Variants in PEBP1 observed in about 807,000 individuals in gnomAD.
The protein encoded by PEBP1 is phosphatidylethanolamine-binding protein 1.
In PEBP1, 17 loss-of-function variants were observed where a neutral mutation model predicts 22.7. The observed-to-expected ratio is 0.75, with a 90% CI of 0.51 to 1.12. The LOEUF (loss-of-function observed/expected upper bound fraction) is 1.12, where lower values mean the gene tolerates loss of function less well. Ranked by LOEUF, PEBP1 falls within the 50% of genes most tolerant of loss-of-function variation. The pLI is 0.00. For synonymous variants in PEBP1, 106 were observed against 104.3 expected, an observed-to-expected ratio of 1.02 and a Z score of -0.10; for missense variants, 205 against 243.5, an observed-to-expected ratio of 0.84 and a Z score of 1.05.
intron 3 of PEBP1, among the ~76,000 whole-genome samples, chr12:118,139,784 A>G (rs2034099327): frequency 6.6e-6 from 1 of 151,610 alleles, no homozygotes; most frequent in African/African-American, 2.4e-5. Context: ...CTGCACCCCT[A>G]GCCCTTTAGC....
At chr12:118,138,801 T>A (rs983708052) in intron 2 of PEBP1, among the ~76,000 whole-genome samples, 2 of 152,138 alleles carry the variant, frequency 1.3e-5, no homozygotes, top group Admixed American at 6.6e-5. Flanking sequence ...CAGTTAACGT[T>A]TTATTGGAGC....
Position 118,138,043 on chromosome 12 carries a change from A to T in PEBP1, c.140A>T (p.Lys47Met). 4 of 1,611,800 alleles carry T rather than the reference A, an allele frequency of 2.5e-6. No individual in the cohort carries two copies. The highest frequency in any genetic ancestry group is 3.4e-6 in the Non-Finnish European group (4 of 1,178,382). Residue 47 changes from lysine (K) to methionine (M), a missense_variant, in exon 2 of 4, where the codon AAG becomes ATG. Lys to Met is a moderately conservative substitution (Grantham distance 95). Transcript: ENST00000261313. ...LGKVLTPTQV[K>M]NRPTSISWDG... is the part of the protein sequence containing the mutation. ...CAAACTGGTTCCTTCATACAGGTTA[A>T]GAATAGACCCACCAGCATTTCGTGG...
At chr12:118,144,156 C>G (rs955212491) in intron 3 of PEBP1, among the ~76,000 whole-genome samples, 1 of 152,024 alleles carries the variant, frequency 6.6e-6, no homozygotes, top group Non-Finnish European at 1.5e-5. Context: ...TTGGTTGCTC[C>G]TACCTGACAG....
chr12:118,145,252 G>GATGTCA lies in PEBP1; in HGVS notation c.*450_*455dup, dbSNP rs2034147539. 2.9e-6 allele frequency: 1 copy of GATGTCA among 339,396 alleles called. No individual in the cohort carries two copies. The highest frequency in any genetic ancestry group is 2.2e-5 in the African/African-American group (1 of 46,108). The allele number at this position is 339,396 out of a possible 1,614,324, so 21.0% of individuals were successfully genotyped here. A position where few individuals can be genotyped will look rare whatever the true frequency, so the allele number is the denominator to read the frequency against. ...ATGGTACACAATGTGATTTTATGGT[G>GATGTCA]ATGTCACTCACCTAGACAACCAGAG... On this transcript the variant is annotated 3_prime_UTR_variant, in exon 4 of 4. Transcript: ENST00000261313.
At chr12:118,142,669 G>T (rs1350148261) in intron 3 of PEBP1, among the ~76,000 whole-genome samples, 7 of 151,752 alleles carry the variant, frequency 4.6e-5, no homozygotes, top group Non-Finnish European at 1.0e-4. Context: ...TAGAGACGGG[G>T]TTTCACCATC....
Position 118,137,004 on chromosome 12 carries a change from C to A in PEBP1, c.135+660C>A, listed in dbSNP as rs150833504. On this transcript the variant is annotated intron_variant, in intron 1 of 3. Transcript: ENST00000261313. ...CGGGCAACAGCGTAAAATAAACTGC[C>A]CCGACCTTACATTGTTTTGGATGTT... Among the ~76,000 whole-genome samples, 182 of 152,244 alleles carry A rather than the reference C, an allele frequency of 1.2e-3. 1 individual carries two copies. The highest frequency in any genetic ancestry group is 2.4e-3 in the Non-Finnish European group (160 of 68,004).
At position 118,136,813 on chromosome 12, in the gene PEBP1, C is replaced by G. The variant is rs1012901821; in HGVS notation, c.135+469C>G. ...GACGCATTATGTAACTGGCGATGAG[C>G]GCGCCGGCCGATTTCTCCTTTGTTA... On this transcript the variant is annotated intron_variant, in intron 1 of 3. Coordinates refer to ENST00000261313, the MANE Select transcript of PEBP1 (RefSeq NM_002567.4). This position sits in a 1 kb window ranked among gnomAD's most constrained non-coding sequence, Gnocchi z 5.6. Among the ~76,000 whole-genome samples, 2 of 152,156 alleles carry G rather than the reference C, an allele frequency of 1.3e-5. No individual in the cohort carries two copies. Among genetic ancestry groups the G allele is most frequent in the Admixed American group, 1.3e-4 (2 of 15,276 alleles).
Position 118,136,358 on chromosome 12 carries a change from C to T in PEBP1, c.135+14C>T, listed in dbSNP as rs984917904. 6.5e-7 allele frequency: 1 copy of T among 1,536,526 alleles called. No homozygotes were observed. Among genetic ancestry groups the T allele is most frequent in the Middle Eastern group, 2.3e-4 (1 of 4,420 alleles). On this transcript the variant is annotated intron_variant, in intron 1 of 3. Coordinates refer to ENST00000261313, the MANE Select transcript of PEBP1 (RefSeq NM_002567.4). This position sits in a 1 kb window ranked among gnomAD's most constrained non-coding sequence, Gnocchi z 5.6. ...ACGCCCACCCAGGTACACCGGGCGG[C>T]GGGCGTGCAGCGAGCGGCACGGCGC... is the stretch of plus-strand genomic sequence containing the variant.
chr12:118,139,198 A>G (rs2034092947), intron 2 of PEBP1: 2 of 356,538 alleles, frequency 5.6e-6, no homozygotes, highest in South Asian at 2.3e-5. Context: ...CTGTAATCCC[A>G]GCTACTTGGG....
intron 3 of PEBP1, among the ~76,000 whole-genome samples, chr12:118,140,740 G>A (rs1363124441): frequency 1.5e-4 from 23 of 152,054 alleles, no homozygotes; most frequent in Admixed American, 1.4e-3. Flanking sequence ...GGGTTTCACC[G>A]TGTTAGCCAG....
Position 118,145,314 on chromosome 12 carries a change from C to T in PEBP1, c.*511C>T. On this transcript the variant is annotated 3_prime_UTR_variant, in exon 4 of 4. Coordinates refer to ENST00000261313, the MANE Select transcript of PEBP1 (RefSeq NM_002567.4). ...GGCTAACCTCCAACACAGTGCATCT[C>T]AGATGCCTCAGTAGGCATCAGTATG... 1 of 296,484 alleles carries T rather than the reference C, an allele frequency of 3.4e-6. No homozygotes were observed. The highest frequency in any genetic ancestry group is 3.1e-5 in the South Asian group (1 of 32,378). The allele number at this position is 296,484 out of a possible 1,614,324, so 18.4% of individuals were successfully genotyped here.
At chr12:118,140,633 G>T (rs986244693) in intron 3 of PEBP1, among the ~76,000 whole-genome samples, 2 of 151,534 alleles carry the variant, frequency 1.3e-5, no homozygotes. Context: ...CCACCTCCCC[G>T]GTTCATGCCA....
chr12:118,137,894 C>T lies in PEBP1; in HGVS notation c.136-145C>T, dbSNP rs527649071. ...GTAGAGGCAGGTTTCACCGTGTTGG[C>T]CAGGCTGGTCTCAAACCCCTGACCT... On this transcript the variant is annotated intron_variant, in intron 1 of 3. Coordinates refer to ENST00000261313, the MANE Select transcript of PEBP1 (RefSeq NM_002567.4). 1.6e-3 allele frequency: 975 copies of T among 609,316 alleles called. 2 individuals carry two copies. Among genetic ancestry groups the T allele is most frequent in the Non-Finnish European group, 2.6e-3 (872 of 335,254 alleles). The allele number at this position is 609,316 out of a possible 1,614,324, so 37.7% of individuals were successfully genotyped here. A position where few individuals can be genotyped will look rare whatever the true frequency, so the allele number is the denominator to read the frequency against.
At chr12:118,143,854 G>A (rs1001978800) in intron 3 of PEBP1, among the ~76,000 whole-genome samples, 3 of 147,366 alleles carry the variant, frequency 2.0e-5, no homozygotes, top group Non-Finnish European at 3.0e-5. Context: ...GTAGTGAGCC[G>A]AGATCATGCC....
At chr12:118,142,105 C>T (rs1006194978) in intron 3 of PEBP1, among the ~76,000 whole-genome samples, 8 of 151,544 alleles carry the variant, frequency 5.3e-5, no homozygotes, top group Admixed American at 1.3e-4. Context: ...AGACAAATAC[C>T]GTACAATTCT....
At chr12:118,141,482 C>A (rs2034114029) in intron 3 of PEBP1, among the ~76,000 whole-genome samples, 2 of 152,132 alleles carry the variant, frequency 1.3e-5, no homozygotes, top group South Asian at 4.1e-4. Flanking sequence ...GCCTATAATC[C>A]CAGCATGTTG....
rs377559254 is a variant in PEBP1 at position 118,138,116 on chromosome 12, G to C, written c.213G>C (p.Pro71=). 6.2e-7 allele frequency: 1 copy of C among 1,613,450 alleles called. No homozygotes were observed. Among genetic ancestry groups the C allele is most frequent in the African/African-American group, 1.3e-5 (1 of 75,036 alleles). ...GKLYTLVLTD[P]DAPSRKDPKY... is the part of the protein sequence containing the mutation. ...TCTACACCTTGGTCCTGACAGACCCGGATGCTCCCAGCAGGAAGGATCCCA... is the reference window on the plus strand; with the variant it reads ...TCTACACCTTGGTCCTGACAGACCCCGATGCTCCCAGCAGGAAGGATCCCA... Residue 71 remains proline, a synonymous_variant, in exon 2 of 4, where the codon CCG becomes CCC. Transcript: ENST00000261313.
chr12:118,144,970 T>C lies in PEBP1; in HGVS notation c.*167T>C. On this transcript the variant is annotated 3_prime_UTR_variant, in exon 4 of 4. Coordinates refer to ENST00000261313, the MANE Select transcript of PEBP1 (RefSeq NM_002567.4). The stretch of plus-strand genomic sequence containing the variant: ...GACTTTTCCTGCTGCCTGGCCTTTA[T>C]AATTTTACTCACTCACTCTGATTTA... 1.3e-6 allele frequency: 2 copies of C among 1,530,418 alleles called. No individual in the cohort carries two copies. Among genetic ancestry groups the C allele is most frequent in the Non-Finnish European group, 1.7e-6 (2 of 1,143,862 alleles). The allele number at this position is 1,530,418 out of a possible 1,614,324, so 94.8% of individuals were successfully genotyped here.
intron 2 of PEBP1, 131 bp from the exon 3 acceptor site, chr12:118,139,320 A>AG: frequency 1.6e-6 from 1 of 624,212 alleles, no homozygotes; most frequent in East Asian, 3.2e-5. Flanking sequence ...TCAAAAAAAA[A>AG]AAAAAAAGAA....
Sources: gnomAD v4.1 joint callset for allele counts (sites outside exome capture counted in the v4.1 genomes callset) on GRCh38, gnomAD v4.1.1 for gene constraint, Gnocchi (gnomAD v3.1) non-coding constraint, MANE v1.5 for transcripts, NCBI Gene and HGNC (gene_info 2026-07-23, HGNC 2026-07-21) for gene names.